Variants in DHRS7 observed in about 807,000 individuals in gnomAD.
DHRS7 encodes the protein dehydrogenase/reductase 7, also known as dehydrogenase/reductase SDR family member 7.
DHRS7 carries 34 observed loss-of-function variants against 38.9 expected under a neutral mutation model. That is an observed-to-expected ratio of 0.87 (90% confidence interval 0.66 to 1.16). The LOEUF (loss-of-function observed/expected upper bound fraction) is 1.16, where lower values mean the gene tolerates loss of function less well. Among genes scored for constraint, DHRS7 ranks in the 50% most tolerant of loss-of-function variants. The pLI, the probability that DHRS7 is intolerant of heterozygous loss-of-function variation, is 0.00. For missense variants in DHRS7, 421 were observed against 407.0 expected (o/e 1.03, Z -0.30); for synonymous variants, 158 against 153.1 (o/e 1.03, Z -0.24).
chr14:60,151,752 T>C (rs1368867188), intron 4 of DHRS7, among the ~76,000 whole-genome samples: 1 of 152,246 alleles, frequency 6.6e-6, no homozygotes, highest in African/African-American at 2.4e-5. Context: ...GAAGGAAATG[T>C]GCTCTTCAAA....
upstream of DHRS7, chr14:60,166,414 C>G (rs955023072): frequency 4.1e-6 from 1 of 243,334 alleles, no homozygotes; most frequent in Non-Finnish European, 6.6e-6. Context: ...TTTGTGTGCT[C>G]TGATGTCAAA....
upstream of DHRS7, among the ~76,000 whole-genome samples, chr14:60,168,354 T>C (rs1267644277): frequency 5.3e-5 from 8 of 152,186 alleles, no homozygotes; most frequent in Non-Finnish European, 1.2e-4. Flanking sequence ...CATGATTTAG[T>C]AGTGGTGGTT....
chr14:60,149,324 C>T (rs411880), intron 6 of DHRS7, 29 bp downstream of exon 6: 305,983 of 1,599,704 alleles, frequency 0.19, 38,632 homozygotes, highest in African/African-American at 0.55. Context: ...TTGGTACATA[C>T]TATTAAGAAA....
In DHRS7 at chr14:60,161,999, GC is replaced by G. The variant is rs902285833; in HGVS notation, c.133+3177del. 5.5e-4 allele frequency among the ~76,000 whole-genome samples: 84 copies of G among 152,328 alleles called. No homozygotes were observed. Among genetic ancestry groups the G allele is most frequent in the African/African-American group, 2.0e-3 (82 of 41,578 alleles). ...AACCTGAGTTTTGCTCACATGTGCT[GC>G]TGTTGAAATTTTTCCTCCTCTAGAC... On this transcript the variant is annotated intron_variant, in intron 1 of 6. Coordinates refer to ENST00000557185, the MANE Select transcript of DHRS7 (RefSeq NM_016029.4). The surrounding 1 kb of genome is among the most constrained non-coding windows in gnomAD (Gnocchi z 4.2).
chr14:60,151,176 T>G (rs1166475892), intron 4 of DHRS7, among the ~76,000 whole-genome samples: 3 of 152,140 alleles, frequency 2.0e-5, no homozygotes, highest in Non-Finnish European at 4.4e-5. Flanking sequence ...ATTTATCTTT[T>G]TGGGTAATAA....
In DHRS7 at chr14:60,156,035, A is replaced by T. The variant is rs1566533737; in HGVS notation, c.251T>A (p.Val84Glu). The T allele has an allele frequency of 6.3e-7, 1 of 1,593,734 alleles. No homozygotes were observed. The highest frequency in any genetic ancestry group is 8.5e-7 in the Non-Finnish European group (1 of 1,170,596). Reference protein sequence around the residue: ...GVSLVLSARRVHELERVKRRC... With the variant: ...GVSLVLSARREHELERVKRRC... ...TCTTTTCACCCTTTCCAGCTCATGC[A>T]CTCTTCTGGCTGACAGCACAAGAGA... The change falls in exon 2 of 7, where the codon GTG becomes GAG. Residue 84 changes from valine (V) to glutamate (E), a missense_variant. Transcript: ENST00000557185.
At chr14:60,147,830 C>G (rs1405765156) in intron 6 of DHRS7, 2 of 152,206 alleles carry the variant, frequency 1.3e-5, no homozygotes, top group East Asian at 3.8e-4. Context: ...TGCCAGGAGG[C>G]TGTGCTTCCT....
Position 60,153,911 on chromosome 14 carries a change from C to A in DHRS7, c.393+48G>T. On this transcript the variant is annotated intron_variant, in intron 3 of 6. Transcript: ENST00000557185. The surrounding 1 kb of genome is among the most constrained non-coding windows in gnomAD (Gnocchi z 4.4). ...ACAGCACCACGGATGGGAATCTCTT[C>A]TGCAGTTACTTCAAAGCAAGACTAT... 6.5e-7 allele frequency: 1 copy of A among 1,532,408 alleles called. No homozygotes were observed. Among genetic ancestry groups the A allele is most frequent in the Non-Finnish European group, 9.0e-7 (1 of 1,106,430 alleles). 94.9% of individuals were successfully genotyped at this position (1,532,408 alleles called of 1,614,324 possible). A position where few individuals can be genotyped will look rare whatever the true frequency, so the allele number is the denominator to read the frequency against.
intron 1 of DHRS7, among the ~76,000 whole-genome samples, chr14:60,163,614 A>T (rs889142970): frequency 6.6e-6 from 1 of 152,234 alleles, no homozygotes; most frequent in Non-Finnish European, 1.5e-5. Context: ...GAAAATATTA[A>T]ATGAATTTCT....
chr14:60,166,129 A>G (rs1223981011), upstream of DHRS7: 2 of 753,398 alleles, frequency 2.7e-6, no homozygotes, highest in Non-Finnish European at 3.2e-6. Context: ...ACAAAAGAGT[A>G]AAATACTGTT....
At chr14:60,151,794 G>A (rs925308450) in intron 4 of DHRS7, among the ~76,000 whole-genome samples, 3 of 152,136 alleles carry the variant, frequency 2.0e-5, no homozygotes, top group Non-Finnish European at 4.4e-5. Context: ...GTCTCAACCT[G>A]CCACATTTTA....
chr14:60,169,070 TC>T (rs1335142923), upstream of DHRS7: 3 of 146,594 alleles, frequency 2.0e-5, no homozygotes, highest in African/African-American at 8.4e-5. Flanking sequence ...GTCACTGCAC[TC>T]CAGCCTGGGC....
chr14:60,154,132 C>T (rs772921261), intron 2 of DHRS7, 67 bp from the exon 3 acceptor site: 7 of 1,208,464 alleles, frequency 5.8e-6, no homozygotes, highest in Non-Finnish European at 8.4e-6. Flanking sequence ...GCTACTCCCA[C>T]TAACACCCAC....
rs1402850706 is a variant in DHRS7 at position 60,148,405 on chromosome 14, G to T, written c.972+948C>A. Among the ~76,000 whole-genome samples the T allele has an allele frequency of 1.3e-5, 2 of 152,004 alleles. No individual in the cohort carries two copies. Among genetic ancestry groups the T allele is most frequent in the South Asian group, 2.1e-4 (1 of 4,830 alleles). ...GCTGCATAATCATCTATAATTTTTGGTTTACTTCATTACATTTCCTGTACT... is the reference window on the plus strand; with the variant it reads ...GCTGCATAATCATCTATAATTTTTGTTTTACTTCATTACATTTCCTGTACT... On this transcript the variant is annotated intron_variant, in intron 6 of 6. Coordinates refer to ENST00000557185, the MANE Select transcript of DHRS7 (RefSeq NM_016029.4). This position sits in a 1 kb window ranked among gnomAD's most constrained non-coding sequence, Gnocchi z 4.8.
rs1424696858 is a variant in DHRS7, at chr14:60,153,902, G to A, written c.393+57C>T. The A allele has an allele frequency of 1.1e-5, 17 of 1,490,996 alleles. No homozygotes were observed. The Admixed American group carries it at 2.8e-4, about 25-fold the overall frequency. 92.4% of individuals were successfully genotyped at this position (1,490,996 alleles called of 1,614,324 possible). A position where few individuals can be genotyped will look rare whatever the true frequency, so the allele number is the denominator to read the frequency against. On this transcript the variant is annotated intron_variant, in intron 3 of 6. Transcript: ENST00000557185. This position sits in a 1 kb window ranked among gnomAD's most constrained non-coding sequence, Gnocchi z 4.4. ...CTTTGTATGACAGCACCACGGATGG[G>A]AATCTCTTCTGCAGTTACTTCAAAG...
chr14:60,168,974 T>A, upstream of DHRS7: 1 of 451,814 alleles, frequency 2.2e-6, no homozygotes, highest in Non-Finnish European at 3.9e-6. Context: ...GATGATATGT[T>A]AACATACATT....
Position 60,156,046 on chromosome 14 carries a change from T to G in DHRS7, c.240A>C (p.Ser80=), listed in dbSNP as rs374229554. 5.0e-6 allele frequency: 8 copies of G among 1,602,540 alleles called. No individual in the cohort carries two copies. The East Asian group carries it at 1.8e-4, about 36-fold the overall frequency. Residue 80 remains serine, a synonymous_variant, in exon 2 of 7, where the codon TCA becomes TCC. Coordinates refer to ENST00000557185, the MANE Select transcript of DHRS7 (RefSeq NM_016029.4). ...TTTCCAGCTCATGCACTCTTCTGGC[T>G]GACAGCACAAGAGAAACTCCTAGTT... ...LSKLGVSLVL[S]ARRVHELERV... is the part of the protein sequence containing the mutation.
At chr14:60,168,603 A>C (rs1247151770), upstream of DHRS7, 1 of 1,440,536 alleles carries the variant, frequency 6.9e-7, no homozygotes, top group Admixed American at 2.8e-5. Context: ...AAATTAGGTT[A>C]AATTTCTTAA....
At chr14:60,156,193 G>A in intron 1 of DHRS7, 41 bp from the exon 2 acceptor site, 4 of 1,428,756 alleles carry the variant, frequency 2.8e-6, no homozygotes, top group East Asian at 2.6e-5. Flanking sequence ...AATAAGCAAT[G>A]AATTACGCTC....
Sources: allele counts gnomAD v4.1 joint callset (sites outside exome capture counted in the v4.1 genomes callset), GRCh38; gene constraint gnomAD v4.1.1; non-coding constraint Gnocchi (gnomAD v3.1); transcripts MANE v1.5; gene names NCBI Gene and HGNC (gene_info 2026-07-23, HGNC 2026-07-21).